The following DPY19L3 variants were observed in gnomAD, a reference collection of about 807,000 sequenced individuals.
DPY19L3 encodes the protein dpy-19 like C-mannosyltransferase 3.
A neutral mutation model predicts 92.3 loss-of-function variants in DPY19L3; 51 were observed. The observed-to-expected ratio is 0.55, with a 90% CI of 0.44 to 0.70. The LOEUF (loss-of-function observed/expected upper bound fraction) is 0.70, where lower values mean the gene tolerates loss of function less well. Ranked by LOEUF, DPY19L3 falls within the 30% of genes least tolerant of loss-of-function variation. The pLI is 0.00. For missense variants in DPY19L3, 706 were observed against 855.9 expected (o/e 0.82, Z 2.18); for synonymous variants, 309 against 315.2 (o/e 0.98, Z 0.21).
At chr19:32,429,700 G>A (rs1023152996) in intron 3 of DPY19L3, among the ~76,000 whole-genome samples, 1 of 152,128 alleles carries the variant, frequency 6.6e-6, no homozygotes, top group Non-Finnish European at 1.5e-5. Flanking sequence ...TGGGATGTAG[G>A]TGTGACAGGA....
At chr19:32,437,003 C>G (rs1568336943) in intron 5 of DPY19L3, among the ~76,000 whole-genome samples, 191 bp from the exon 6 acceptor site, 1 of 151,800 alleles carries the variant, frequency 6.6e-6, no homozygotes, top group East Asian at 1.9e-4. Flanking sequence ...GGACTTCCTT[C>G]CCCTGTCTCT....
At chr19:32,407,002 CT>C (rs11428433) in intron 1 of DPY19L3, among the ~76,000 whole-genome samples, 1,484 of 132,186 alleles carry the variant, frequency 0.011, 15 homozygotes, top group African/African-American at 0.033. Flanking sequence ...TGGCTTCCTG[CT>C]TTTTTTTTTT....
intron 15 of DPY19L3, among the ~76,000 whole-genome samples, chr19:32,465,589 C>A (rs954645538): frequency 6.6e-6 from 1 of 151,970 alleles, no homozygotes. Context: ...GGGAGGGTGG[C>A]TAAAAGCAGG....
Position 32,432,813 on chromosome 19 carries a change from A to G in DPY19L3, c.328+7A>G, listed in dbSNP as rs1969013642. On this transcript the variant is annotated splice_region_variant and intron_variant, in intron 4 of 18. Coordinates refer to ENST00000392250, the MANE Select transcript of DPY19L3 (RefSeq NM_001172774.2). ...GCTCCAACCCTCGTGCAAGGTAATT[A>G]CAACTGATAGTTTCATTTGGGGTCT... 3.7e-6 allele frequency: 6 copies of G among 1,612,984 alleles called. No homozygotes were observed. Among genetic ancestry groups the G allele is most frequent in the Non-Finnish European group, 5.1e-6 (6 of 1,179,200 alleles).
chr19:32,422,473 G>C (rs1431507729), intron 3 of DPY19L3, among the ~76,000 whole-genome samples: 6 of 152,150 alleles, frequency 3.9e-5, no homozygotes. Flanking sequence ...TGTACAGAAA[G>C]AGCAATGTTG....
intron 2 of DPY19L3, among the ~76,000 whole-genome samples, chr19:32,410,057 A>G (rs1968124571): frequency 6.6e-6 from 1 of 152,216 alleles, no homozygotes; most frequent in Non-Finnish European, 1.5e-5. Flanking sequence ...TCTAGCAGCA[A>G]TGTTTGAAGA....
chr19:32,481,280 T>A (rs570231873), intron 18 of DPY19L3: 2 of 152,662 alleles, frequency 1.3e-5, no homozygotes, highest in South Asian at 2.1e-4. Context: ...AAATCTTGAC[T>A]GTACAGAATT....
chr19:32,479,188 C>T (rs1160265254), intron 17 of DPY19L3, among the ~76,000 whole-genome samples: 3 of 152,126 alleles, frequency 2.0e-5, no homozygotes, highest in Non-Finnish European at 1.5e-5. Context: ...GTATAAGAAT[C>T]ATTTGAATTC....
At chr19:32,409,559 G>A (rs1050745696) in intron 2 of DPY19L3, among the ~76,000 whole-genome samples, 2 of 152,274 alleles carry the variant, frequency 1.3e-5, no homozygotes, top group East Asian at 1.9e-4. Context: ...GAATACTTGA[G>A]GCTAGGTGAT....
intron 8 of DPY19L3, among the ~76,000 whole-genome samples, chr19:32,447,412 G>T (rs1346489650): frequency 6.6e-6 from 1 of 152,094 alleles, no homozygotes; most frequent in African/African-American, 2.4e-5. Context: ...ATGAATAATA[G>T]AATTAATTAA....
At chr19:32,418,429 A>T (rs1482395048) in intron 3 of DPY19L3, among the ~76,000 whole-genome samples, 1 of 152,252 alleles carries the variant, frequency 6.6e-6, no homozygotes, top group Non-Finnish European at 1.5e-5. Context: ...ACTGTCTAGT[A>T]CAGTGGCCAC....
chr19:32,461,851 T>G (rs1970050128), intron 12 of DPY19L3, among the ~76,000 whole-genome samples: 1 of 152,216 alleles, frequency 6.6e-6, no homozygotes, highest in Non-Finnish European at 1.5e-5. Flanking sequence ...CTAAAGTCAC[T>G]GATCAGTCTT....
At chr19:32,479,532 A>T (rs1468714225) in intron 17 of DPY19L3, 1 of 384,218 alleles carries the variant, frequency 2.6e-6, no homozygotes. Flanking sequence ...TGTCACAGTA[A>T]CAGCATCCTA....
At chr19:32,445,727 G>A (rs986382493) in intron 8 of DPY19L3, among the ~76,000 whole-genome samples, 8 of 152,114 alleles carry the variant, frequency 5.3e-5, no homozygotes, top group African/African-American at 9.7e-5. Context: ...GAGGCTGGGC[G>A]TCGTGGCTCA....
At chr19:32,425,281 G>C (rs1478081268) in intron 3 of DPY19L3, among the ~76,000 whole-genome samples, 1 of 152,196 alleles carries the variant, frequency 6.6e-6, no homozygotes, top group African/African-American at 2.4e-5. Context: ...ACCAGGTGCT[G>C]TGGCTCATGC....
intron 1 of DPY19L3, 58 bp downstream of exon 1, chr19:32,405,967 G>C (rs1280264232): frequency 6.6e-6 from 1 of 151,274 alleles, no homozygotes; most frequent in Non-Finnish European, 1.5e-5. Context: ...GCGGGCGGGC[G>C]CCGGCGGAAC....
chr19:32,468,438 C>T lies in DPY19L3; in HGVS notation c.1615-293C>T, dbSNP rs921029336. 5.6e-6 allele frequency: 6 copies of T among 1,066,304 alleles called. No homozygotes were observed. In the African/African-American group the frequency reaches 8.4e-5, roughly 15 times the overall value. The allele number at this position is 1,066,304 out of a possible 1,614,324, so 66.1% of individuals were successfully genotyped here. On this transcript the variant is annotated intron_variant, in intron 15 of 18. Transcript: ENST00000392250. ...AAAATAATGTTTTGCCAGGTATTATCATCACATACAATAGCATTTCTATTG... is the reference window on the plus strand; with the variant it reads ...AAAATAATGTTTTGCCAGGTATTATTATCACATACAATAGCATTTCTATTG...
At position 32,407,078 on chromosome 19, in the gene DPY19L3, C is replaced by G. The variant is rs77035644; in HGVS notation, c.-37-1139C>G. Among the ~76,000 whole-genome samples, 23 of 150,928 alleles carry G rather than the reference C, an allele frequency of 1.5e-4. No homozygotes were observed. In the East Asian group the frequency reaches 4.5e-3, roughly 29 times the overall value. The stretch of plus-strand genomic sequence containing the variant: ...TTGGTTTGTTCTGTAGAGCAAGTTA[C>G]CCTTAGGAATTAATAAACTGTGGAA... On this transcript the variant is annotated intron_variant, in intron 1 of 18. Transcript: ENST00000392250.
chr19:32,451,111 G>C (rs1969685568), intron 8 of DPY19L3, among the ~76,000 whole-genome samples: 1 of 152,078 alleles, frequency 6.6e-6, no homozygotes, highest in Admixed American at 6.6e-5. Context: ...TTAAAGAGAT[G>C]TTCACAATGT....
Sources: gnomAD v4.1 joint callset for allele counts (sites outside exome capture counted in the v4.1 genomes callset) on GRCh38, gnomAD v4.1.1 for gene constraint, MANE v1.5 for transcripts, NCBI Gene and HGNC (gene_info 2026-07-23, HGNC 2026-07-21) for gene names.